Variants in SASH1 observed in about 807,000 individuals in gnomAD.
SASH1 encodes SAM and SH3 domain-containing protein 1.
In SASH1, 44 loss-of-function variants were observed where a neutral mutation model predicts 125.2. The observed-to-expected ratio is 0.35, with a 90% CI of 0.28 to 0.45. The LOEUF (loss-of-function observed/expected upper bound fraction) is 0.45, where lower values mean the gene tolerates loss of function less well. SASH1 is among the 20% of genes least tolerant of loss of function. The pLI is 1.00. For missense variants in SASH1, 1,426 were observed against 1,614.5 expected (o/e 0.88, Z 2.00); for synonymous variants, 639 against 649.1 (o/e 0.98, Z 0.24).
At chr6:148,329,881 A>T (rs1053996004) in intron 1 of SASH1, among the ~76,000 whole-genome samples, 1 of 152,066 alleles carries the variant, frequency 6.6e-6, no homozygotes, top group Admixed American at 6.6e-5. Flanking sequence ...CAGGAATGGG[A>T]GTGTCTCTTT....
chr6:148,294,127 A>T (rs1045970134), intron 1 of SASH1, among the ~76,000 whole-genome samples: 5 of 152,240 alleles, frequency 3.3e-5, no homozygotes, highest in African/African-American at 1.2e-4. Context: ...CCCAAGTGGC[A>T]CTGGTCATTT....
At chr6:148,459,382 A>G (rs865996756) in intron 4 of SASH1, among the ~76,000 whole-genome samples, 5 of 152,310 alleles carry the variant, frequency 3.3e-5, no homozygotes, top group Middle Eastern at 3.4e-3. Context: ...CCCAGACACA[A>G]CCAGACCATG....
intron 4 of SASH1, among the ~76,000 whole-genome samples, chr6:148,466,906 C>T (rs947204621): frequency 6.6e-6 from 1 of 152,070 alleles, no homozygotes; most frequent in Non-Finnish European, 1.5e-5. Flanking sequence ...CATCTTCCTT[C>T]CTGGTGGTGA....
intron 1 of SASH1, among the ~76,000 whole-genome samples, chr6:148,324,475 C>T (rs889619861): frequency 1.3e-5 from 2 of 152,150 alleles, no homozygotes; most frequent in African/African-American, 4.8e-5. Context: ...AGCCTTGATT[C>T]CTTCCCTTTC....
Position 148,533,075 on chromosome 6 carries a change from C to G in SASH1, c.1734+109C>G. 1 of 1,235,588 alleles carries G rather than the reference C, an allele frequency of 8.1e-7. No homozygotes were observed. Among genetic ancestry groups the G allele is most frequent in the South Asian group, 1.4e-5 (1 of 73,898 alleles). 76.5% of individuals were successfully genotyped at this position (1,235,588 alleles called of 1,614,324 possible). On this transcript the variant is annotated intron_variant, in intron 14 of 19. Transcript: ENST00000367467. The surrounding 1 kb of genome is among the most constrained non-coding windows in gnomAD (Gnocchi z 6.2). ...CTGGGCTACTATGGTACAGACTGGA[C>G]AGTATCTTGGCTACCTCGATCACTG...
chr6:148,326,063 TG>T (rs1282885904), intron 1 of SASH1, among the ~76,000 whole-genome samples: 5 of 149,842 alleles, frequency 3.3e-5, no homozygotes, highest in African/African-American at 1.2e-4. Context: ...AGTCTCACTC[TG>T]TCACCCAGGC....
chr6:148,372,093 G>C (rs1160643203), intron 1 of SASH1, among the ~76,000 whole-genome samples: 1 of 152,192 alleles, frequency 6.6e-6, no homozygotes, highest in Non-Finnish European at 1.5e-5. Flanking sequence ...AAATTGTTTA[G>C]ATTGCAGTTA....
At chr6:148,336,366 C>T (rs925129595) in intron 1 of SASH1, among the ~76,000 whole-genome samples, 1 of 151,376 alleles carries the variant, frequency 6.6e-6, no homozygotes, top group Non-Finnish European at 1.5e-5. Context: ...TTAGTAGAAA[C>T]GGGGTTTTAC....
At chr6:148,302,420 T>G (rs1462568717) in intron 1 of SASH1, among the ~76,000 whole-genome samples, 1 of 151,124 alleles carries the variant, frequency 6.6e-6, no homozygotes, top group Non-Finnish European at 1.5e-5. Flanking sequence ...ATTTTAACAT[T>G]AGAAGGGATC....
the SASH1 span, among the ~76,000 whole-genome samples, chr6:148,258,222 A>T: frequency 6.6e-6 from 1 of 152,078 alleles, no homozygotes; most frequent in African/African-American, 2.4e-5. Flanking sequence ...TCCATTTATT[A>T]TGTGTTAGAA....
At chr6:148,237,615 G>A in the SASH1 span, 1 of 152,124 alleles carries the variant, frequency 6.6e-6, no homozygotes, top group African/African-American at 2.4e-5. Flanking sequence ...TCATCAGGGA[G>A]CTAGAGAATT....
chr6:148,433,406 CTTTTTTTTT>C (rs5880780), intron 2 of SASH1, among the ~76,000 whole-genome samples: 3 of 128,016 alleles, frequency 2.3e-5, no homozygotes, highest in Admixed American at 1.6e-4. Context: ...TTTCTTTTTT[CTTTTTTTTT>C]TTTTTTTTTG....
the SASH1 span, among the ~76,000 whole-genome samples, chr6:148,246,549 C>T: frequency 1.1e-3 from 166 of 152,174 alleles, no homozygotes; most frequent in African/African-American, 3.9e-3. Context: ...GCTTTTGGTG[C>T]CAAGTACAAA....
chr6:148,358,421 T>G (rs984490689), intron 1 of SASH1, among the ~76,000 whole-genome samples: 1 of 151,982 alleles, frequency 6.6e-6, no homozygotes, highest in African/African-American at 2.4e-5. Flanking sequence ...CGGCTCGGAG[T>G]GTTGTTTTGG....
At chr6:148,271,173 G>A (rs146667445), upstream of SASH1, among the ~76,000 whole-genome samples, 734 of 152,220 alleles carry the variant, frequency 4.8e-3, 7 homozygotes, top group African/African-American at 0.017. Flanking sequence ...GCTTCCCAAA[G>A]TGCTGGGATT....
intron 10 of SASH1, among the ~76,000 whole-genome samples, chr6:148,520,720 C>T (rs1410857112): frequency 6.6e-6 from 1 of 152,112 alleles, no homozygotes; most frequent in Non-Finnish European, 1.5e-5. Context: ...GTCACTTGAC[C>T]TCAAAGAAGC....
chr6:148,453,569 C>A (rs1387400373), intron 4 of SASH1, among the ~76,000 whole-genome samples: 1 of 152,102 alleles, frequency 6.6e-6, no homozygotes, highest in African/African-American at 2.4e-5. Flanking sequence ...CTGCAAGGGG[C>A]AGACTGCTTC....
chr6:148,393,009 T>C (rs980757592), intron 2 of SASH1, among the ~76,000 whole-genome samples: 6 of 151,940 alleles, frequency 3.9e-5, no homozygotes, highest in African/African-American at 1.5e-4. Context: ...TAAATAAATA[T>C]TGCATAATGC....
the SASH1 span, among the ~76,000 whole-genome samples, chr6:148,224,931 G>T: frequency 6.6e-6 from 1 of 152,194 alleles, no homozygotes; most frequent in Non-Finnish European, 1.5e-5. Context: ...CCTTTGTATA[G>T]GTGACCCATC....
Sources: allele counts gnomAD v4.1 joint callset (sites outside exome capture counted in the v4.1 genomes callset), GRCh38; gene constraint gnomAD v4.1.1; non-coding constraint Gnocchi (gnomAD v3.1); transcripts MANE v1.5; gene names NCBI Gene and HGNC (gene_info 2026-07-23, HGNC 2026-07-21).